Variants in SSR3 observed in about 807,000 individuals in gnomAD.
SSR3 encodes signal sequence receptor subunit 3.
In SSR3, 10 loss-of-function variants were observed where a neutral mutation model predicts 22.1. The observed-to-expected ratio is 0.45, with a 90% CI of 0.28 to 0.77. SSR3 has a LOEUF of 0.77. SSR3 is among the 30% of genes least tolerant of loss of function. The pLI, the probability that SSR3 is intolerant of heterozygous loss-of-function variation, is 0.13. For synonymous variants in SSR3, 104 were observed against 82.5 expected, an observed-to-expected ratio of 1.26 and a Z score of -1.42; for missense variants, 181 against 220.5, an observed-to-expected ratio of 0.82 and a Z score of 1.13.
intron 2 of SSR3, among the ~76,000 whole-genome samples, chr3:156,551,195 C>T (rs10936030): frequency 6.6e-6 from 1 of 151,896 alleles, no homozygotes; most frequent in East Asian, 1.9e-4. Flanking sequence ...TGAAATTTTA[C>T]TGAACTAAAT....
intron 4 of SSR3, chr3:156,544,048 T>G (rs1336472132): frequency 2.6e-6 from 1 of 387,816 alleles, no homozygotes. Flanking sequence ...TGGAGCTTTT[T>G]TTTAAGGAGG....
chr3:156,554,713 G>T (rs1025548397), intron 1 of SSR3: 6 of 523,052 alleles, frequency 1.1e-5, no homozygotes, highest in African/African-American at 1.9e-5. Context: ...CTTCTCCTGG[G>T]GTGGAGCTCG....
rs750772407 is a variant in SSR3 at position 156,544,437 on chromosome 3, A to G, written c.362T>C (p.Ile121Thr). 1 of 1,573,302 alleles carries G rather than the reference A, an allele frequency of 6.4e-7. No homozygotes were observed. Among genetic ancestry groups the G allele is most frequent in the Non-Finnish European group, 8.6e-7 (1 of 1,161,364 alleles). The change falls in exon 4 of 5, where the codon ATC (isoleucine) becomes ACC (threonine). Residue 121 changes from isoleucine (I) to threonine (T), a missense_variant and splice_region_variant. Physicochemically the swap from Ile to Thr is moderately conservative, Grantham distance 89. Transcript: ENST00000265044. ...KMSRKEKDERILWKKNEVADY... is the reference protein window; with the variant it reads ...KMSRKEKDERTLWKKNEVADY... ...AGCAACTTCATTCTTCTTCCACAAG[A>G]TTCTACAGACACAGAAACAAGTCAA...
chr3:156,549,250 T>C (rs1719867850), intron 2 of SSR3, among the ~76,000 whole-genome samples: 1 of 152,210 alleles, frequency 6.6e-6, no homozygotes, highest in Admixed American at 6.5e-5. Context: ...AGAAGAATTT[T>C]CCACAGTTTA....
At chr3:156,543,422 G>A (rs1348749998) in intron 4 of SSR3, among the ~76,000 whole-genome samples, 153 bp from the exon 5 acceptor site, 2 of 151,152 alleles carry the variant, frequency 1.3e-5, no homozygotes, top group African/African-American at 4.9e-5. Context: ...AACACAATTT[G>A]CAAGACAGAA....
intron 2 of SSR3, among the ~76,000 whole-genome samples, chr3:156,550,073 A>G (rs1719894539): frequency 6.6e-6 from 1 of 152,246 alleles, no homozygotes; most frequent in African/African-American, 2.4e-5. Flanking sequence ...TTAGCAGACC[A>G]GGCACTAAAT....
intron 4 of SSR3, 151 bp from the exon 5 acceptor site, chr3:156,543,420 T>G (rs1719641190): frequency 1.8e-6 from 1 of 549,556 alleles, no homozygotes; most frequent in African/African-American, 1.9e-5. Flanking sequence ...CAAACACAAT[T>G]TGCAAGACAG....
chr3:156,551,036 C>T (rs1218498133), intron 2 of SSR3, among the ~76,000 whole-genome samples: 5 of 152,172 alleles, frequency 3.3e-5, no homozygotes, highest in Non-Finnish European at 7.3e-5. Flanking sequence ...CCAACAGCTA[C>T]CCACACTCAG....
Position 156,548,896 on chromosome 3 carries a change from G to T in SSR3, c.359+9C>A. The T allele has an allele frequency of 6.2e-7, 1 of 1,612,460 alleles. No individual in the cohort carries two copies. Among genetic ancestry groups the T allele is most frequent in the South Asian group, 1.1e-5 (1 of 90,952 alleles). ...TTTATGATGGCCATACTTTAAACAGGAGTCAAACCTTTCATCTTTCTCCTT... is the reference window on the plus strand; with the variant it reads ...TTTATGATGGCCATACTTTAAACAGTAGTCAAACCTTTCATCTTTCTCCTT... On this transcript the variant is annotated intron_variant, in intron 3 of 4. Transcript: ENST00000265044.
intron 3 of SSR3, among the ~76,000 whole-genome samples, chr3:156,546,074 T>C (rs905259354): frequency 6.6e-6 from 1 of 152,246 alleles, no homozygotes; most frequent in African/African-American, 2.4e-5. Context: ...TAAGAAGTGA[T>C]ATGGTTTGGC....
chr3:156,543,050 C>A lies in SSR3; in HGVS notation c.*153G>T. On this transcript the variant is annotated 3_prime_UTR_variant, in exon 5 of 5. Transcript: ENST00000265044. ...TTTCAACAATCTGTCAAAAAACAGCCAATAAACAAATACTGAATTACATTC... is the reference window on the plus strand; with the variant it reads ...TTTCAACAATCTGTCAAAAAACAGCAAATAAACAAATACTGAATTACATTC... 1 of 505,818 alleles carries A rather than the reference C, an allele frequency of 2.0e-6. No homozygotes were observed. The allele number at this position is 505,818 out of a possible 1,614,324, so 31.3% of individuals were successfully genotyped here.
chr3:156,541,897 T>C lies in SSR3; in HGVS notation c.*1306A>G, dbSNP rs1366336658. On this transcript the variant is annotated 3_prime_UTR_variant, in exon 5 of 5. Transcript: ENST00000265044. ...CTTGCATGGAGCCCAACACATCCGA[T>C]AGCATGGAAGTGGAAGTTAAACTCC... 6.6e-6 allele frequency: 1 copy of C among 152,168 alleles called. No individual in the cohort carries two copies. The allele number at this position is 152,168 out of a possible 1,614,324, so 9.4% of individuals were successfully genotyped here. A position where few individuals can be genotyped will look rare whatever the true frequency, so the allele number is the denominator to read the frequency against.
In SSR3 at chr3:156,543,260, T is replaced by C. The variant is rs1358456220; in HGVS notation, c.501A>G (p.Ile167Met). 9.3e-6 allele frequency: 15 copies of C among 1,613,462 alleles called. No homozygotes were observed. Among genetic ancestry groups the C allele is most frequent in the Non-Finnish European group, 1.2e-5 (14 of 1,179,572 alleles). Residue 167 changes from isoleucine (I) to methionine (M), a missense_variant, in exon 5 of 5, where the codon ATA becomes ATG. Physicochemically the swap from Ile to Met is conservative, Grantham distance 10. Transcript: ENST00000265044. ...LKNFNPTVNY[I>M]LSISASSGLI... ...GTCCTGATGAAGCACTTATGGACAA[T>C]ATGTAGTTCCTGTAAGAAATTTAAT...
chr3:156,547,010 A>C (rs1273337319), intron 3 of SSR3, among the ~76,000 whole-genome samples: 1 of 152,214 alleles, frequency 6.6e-6, no homozygotes, highest in Non-Finnish European at 1.5e-5. Context: ...TTCAGAGAGA[A>C]ACAAGCTAGA....
At chr3:156,549,946 C>G (rs1371809069) in intron 2 of SSR3, among the ~76,000 whole-genome samples, 1 of 152,024 alleles carries the variant, frequency 6.6e-6, no homozygotes, top group South Asian at 2.1e-4. Context: ...CTTTTTACTC[C>G]GAAGATCCAA....
intron 2 of SSR3, among the ~76,000 whole-genome samples, chr3:156,551,670 AT>A (rs1251700764): frequency 1.4e-4 from 21 of 152,250 alleles, no homozygotes; most frequent in Admixed American, 1.4e-3. Context: ...ATTTCTTAAA[AT>A]AAACCCCTGT....
intron 2 of SSR3, among the ~76,000 whole-genome samples, chr3:156,550,628 A>G (rs1275827143): frequency 2.0e-5 from 3 of 152,180 alleles, no homozygotes; most frequent in Admixed American, 2.0e-4. Flanking sequence ...AATCAATTGT[A>G]TTTTTCTTCC....
intron 2 of SSR3, 124 bp downstream of exon 2, chr3:156,553,531 A>T (rs1720035821): frequency 6.1e-6 from 6 of 982,364 alleles, no homozygotes; most frequent in Non-Finnish European, 8.5e-6. Context: ...TTTCCCCCAA[A>T]ATGTTTATTA....
intron 1 of SSR3, 24 bp from the exon 2 acceptor site, chr3:156,553,805 G>A (rs766623491): frequency 1.9e-6 from 3 of 1,579,866 alleles, no homozygotes; most frequent in Non-Finnish European, 1.7e-6. Context: ...AAAGGGGGAA[G>A]GGTACAAAAA....
Sources: allele counts gnomAD v4.1 joint callset (sites outside exome capture counted in the v4.1 genomes callset), GRCh38; gene constraint gnomAD v4.1.1; transcripts MANE v1.5; gene names NCBI Gene and HGNC (gene_info 2026-07-23, HGNC 2026-07-21).